Variants in SVOP observed in about 807,000 individuals in gnomAD.
The protein encoded by SVOP is synaptic vesicle 2-related protein.
A neutral mutation model predicts 69.1 loss-of-function variants in SVOP; 17 were observed. That is an observed-to-expected ratio of 0.25 (90% CI 0.17 to 0.37). The LOEUF is 0.37. Ranked by LOEUF, SVOP falls within the 10% of genes least tolerant of loss-of-function variation. SVOP has a pLI of 1.00. For missense variants in SVOP, 435 were observed against 597.5 expected (o/e 0.73, Z 2.84); for synonymous variants, 238 against 238.6 (o/e 1.00, Z 0.02).
At chr12:109,019,901 T>C (rs2040387220) in intron 1 of SVOP, among the ~76,000 whole-genome samples, 1 of 152,114 alleles carries the variant, frequency 6.6e-6, no homozygotes, top group Admixed American at 6.6e-5. Flanking sequence ...ATTTTTAAAA[T>C]CAAGAAAATA....
chr12:108,964,438 C>T (rs936461980), intron 5 of SVOP, among the ~76,000 whole-genome samples: 3 of 151,826 alleles, frequency 2.0e-5, no homozygotes, highest in South Asian at 2.1e-4. Flanking sequence ...AAACAGAAGA[C>T]TTAATTGGCA....
At chr12:108,950,874 A>G (rs571409650) in intron 6 of SVOP, among the ~76,000 whole-genome samples, 1 of 152,352 alleles carries the variant, frequency 6.6e-6, no homozygotes, top group East Asian at 1.9e-4. Flanking sequence ...GTTCATTATG[A>G]AAGCAAGCTA....
Position 109,015,756 on chromosome 12 carries a change from G to A in SVOP, c.35+5078C>T, listed in dbSNP as rs545404350. 4.0e-4 allele frequency among the ~76,000 whole-genome samples: 61 copies of A among 152,270 alleles called. 2 individuals are homozygous for A. The South Asian group carries it at 0.013, about 32-fold the overall frequency. On this transcript the variant is annotated intron_variant, in intron 1 of 15. Coordinates refer to ENST00000610966, the MANE Select transcript of SVOP (RefSeq NM_018711.5). The stretch of plus-strand genomic sequence containing the variant: ...TGCGGTGAGCTGAGATCACACCACT[G>A]CACTCCAGCCTGGGCAACAGAGCGA...
intron 6 of SVOP, among the ~76,000 whole-genome samples, chr12:108,947,513 C>A (rs180862769): frequency 4.9e-4 from 74 of 152,302 alleles, no homozygotes; most frequent in Non-Finnish European, 7.5e-4. Flanking sequence ...TTGCAATTCC[C>A]TTCTCCAATA....
chr12:108,991,831 G>C (rs372965021), intron 1 of SVOP, among the ~76,000 whole-genome samples: 1 of 151,598 alleles, frequency 6.6e-6, no homozygotes, highest in Non-Finnish European at 1.5e-5. Flanking sequence ...TTGTGGTCTT[G>C]GCTACTCAAA....
chr12:108,959,351 C>CTTTT (rs36192896), intron 6 of SVOP, among the ~76,000 whole-genome samples: 1 of 106,694 alleles, frequency 9.4e-6, no homozygotes, highest in African/African-American at 3.3e-5. Context: ...GCTTTTAATT[C>CTTTT]TTTTTTTTTT....
chr12:108,984,082 G>T (rs1159376683), intron 1 of SVOP, among the ~76,000 whole-genome samples: 8 of 152,156 alleles, frequency 5.3e-5, no homozygotes, highest in Admixed American at 1.3e-4. Context: ...ATTTGTTTCA[G>T]ATTTTAGACT....
chr12:108,985,632 A>T (rs2040162173), intron 1 of SVOP, among the ~76,000 whole-genome samples: 2 of 151,898 alleles, frequency 1.3e-5, no homozygotes, highest in Non-Finnish European at 2.9e-5. Context: ...AGATTGCACC[A>T]CTCCCTCCAG....
chr12:109,003,457 A>G (rs1387778571), intron 1 of SVOP, among the ~76,000 whole-genome samples: 1 of 152,208 alleles, frequency 6.6e-6, no homozygotes, highest in Non-Finnish European at 1.5e-5. Context: ...TGTGAGCATT[A>G]ACTGAGCTTG....
In SVOP at chr12:108,921,483, A is replaced by G. The variant is rs144267482; in HGVS notation, c.1156+1207T>C. On this transcript the variant is annotated intron_variant, in intron 12 of 15. Coordinates refer to ENST00000610966, the MANE Select transcript of SVOP (RefSeq NM_018711.5). Reference sequence around the variant, plus strand: ...AATTTGGGAAGGGAAAGCAACAAACAAAAGGTGGGTATCAAGCAGTTGCCC... The same window carrying G: ...AATTTGGGAAGGGAAAGCAACAAACGAAAGGTGGGTATCAAGCAGTTGCCC... Among the ~76,000 whole-genome samples, 751 of 152,262 alleles carry G rather than the reference A, an allele frequency of 4.9e-3. 3 individuals are homozygous for G. Among genetic ancestry groups the G allele is most frequent in the African/African-American group, 0.017 (720 of 41,548 alleles).
chr12:108,937,211 A>C, intron 10 of SVOP, 53 bp downstream of exon 10: 1 of 1,595,866 alleles, frequency 6.3e-7, no homozygotes, highest in Non-Finnish European at 8.6e-7. Context: ...CAAAACCCAA[A>C]ACAGGGCACA....
intron 2 of SVOP, among the ~76,000 whole-genome samples, chr12:108,983,092 C>A (rs1338300281): frequency 6.6e-6 from 1 of 150,838 alleles, no homozygotes; most frequent in Non-Finnish European, 1.5e-5. Context: ...TGATCACCAT[C>A]ATCATGATCA....
chr12:108,961,092 T>C, intron 5 of SVOP, 45 bp from the exon 6 acceptor site: 1 of 1,517,400 alleles, frequency 6.6e-7, no homozygotes, highest in Non-Finnish European at 8.8e-7. Flanking sequence ...TTTCAGCACC[T>C]CCAGGTAGCG....
intron 6 of SVOP, among the ~76,000 whole-genome samples, chr12:108,955,443 CT>C (rs1198168908): frequency 6.6e-6 from 1 of 152,204 alleles, no homozygotes; most frequent in African/African-American, 2.4e-5. Flanking sequence ...CATTAATAGC[CT>C]TTCCTTCAAG....
In SVOP at chr12:108,938,918, C is replaced by A; in HGVS notation, c.806G>T (p.Gly269Val). The stretch of plus-strand genomic sequence containing the variant: ...GGTGGCGATTGCCTTTTCCTGGTTC[C>A]CTGACAGCACATCATACCTTGCACT... ...PESARYDVLS[G>V]NQEKAIATLK... Residue 269 changes from glycine (G) to valine (V), a missense_variant, in exon 9 of 16, where the codon GGG becomes GTG. Coordinates refer to ENST00000610966, the MANE Select transcript of SVOP (RefSeq NM_018711.5). 1 of 1,613,994 alleles carries A rather than the reference C, an allele frequency of 6.2e-7. No homozygotes were observed. Among genetic ancestry groups the A allele is most frequent in the Non-Finnish European group, 8.5e-7 (1 of 1,179,870 alleles).
intron 5 of SVOP, among the ~76,000 whole-genome samples, chr12:108,970,881 A>G (rs530375471): frequency 2.6e-5 from 4 of 152,112 alleles, no homozygotes; most frequent in African/African-American, 9.6e-5. Flanking sequence ...TTAGCTGGGC[A>G]TGGTGGCACA....
intron 13 of SVOP, among the ~76,000 whole-genome samples, chr12:108,918,908 T>C (rs2137388183): frequency 6.6e-6 from 1 of 152,276 alleles, no homozygotes; most frequent in East Asian, 1.9e-4. Context: ...CCTGATCTTT[T>C]ATCCAGTTGT....
At chr12:109,003,947 T>A (rs2040289928) in intron 1 of SVOP, among the ~76,000 whole-genome samples, 1 of 152,172 alleles carries the variant, frequency 6.6e-6, no homozygotes, top group African/African-American at 2.4e-5. Context: ...ACATTTCTTC[T>A]CTGGCAAACC....
intron 1 of SVOP, among the ~76,000 whole-genome samples, chr12:109,012,320 C>T (rs900293056): frequency 5.3e-5 from 8 of 151,392 alleles, no homozygotes; most frequent in African/African-American, 1.9e-4. Flanking sequence ...GAAATAGGTT[C>T]AAGAGATCTA....
Sources: allele counts gnomAD v4.1 joint callset (sites outside exome capture counted in the v4.1 genomes callset), GRCh38; gene constraint gnomAD v4.1.1; transcripts MANE v1.5; gene names NCBI Gene and HGNC (gene_info 2026-07-23, HGNC 2026-07-21).